Variants in DOCK3 observed in about 807,000 individuals in gnomAD.
The protein encoded by DOCK3 is dedicator of cytokinesis protein 3.
Under a neutral mutation model 265.6 loss-of-function variants are expected in DOCK3, and 60 were observed. The ratio of observed to expected loss-of-function variants is 0.23; its 90% CI spans 0.18 to 0.28. The LOEUF (loss-of-function observed/expected upper bound fraction) is 0.28, where lower values mean the gene tolerates loss of function less well. Among genes scored for constraint, DOCK3 ranks in the 10% least tolerant of loss-of-function variants. The pLI is 1.00. For missense variants in DOCK3, 1,981 were observed against 2,594.3 expected, an observed-to-expected ratio of 0.76 and a Z score of 5.14; for synonymous variants, 881 against 938.0, an observed-to-expected ratio of 0.94 and a Z score of 1.11.
intron 5 of DOCK3, among the ~76,000 whole-genome samples, chr3:50,998,875 A>C (rs1483050316): frequency 1.3e-5 from 2 of 152,258 alleles, no homozygotes; most frequent in African/African-American, 4.8e-5. Flanking sequence ...AAAAGATTAC[A>C]GAAGTTATTT....
intron 5 of DOCK3, among the ~76,000 whole-genome samples, chr3:50,974,571 T>C (rs1291363081): frequency 2.0e-5 from 3 of 151,100 alleles, no homozygotes; most frequent in Non-Finnish European, 4.4e-5. Context: ...AGTCAGGTAG[T>C]GTGATGTCTC....
At chr3:51,200,198 G>A (rs189796112) in intron 12 of DOCK3, among the ~76,000 whole-genome samples, 15 of 152,116 alleles carry the variant, frequency 9.9e-5, no homozygotes, top group African/African-American at 3.6e-4. Flanking sequence ...TGACTTTGAC[G>A]AGTTGAGAGA....
Position 51,361,809 on chromosome 3 carries a change from G to A in DOCK3, c.5007-50G>A. ...ACACATTCCGCTCTACTGTCCCCCT[G>A]CCACCTGCCATGGGCCTGACTCCTC... On this transcript the variant is annotated intron_variant, in intron 47 of 52. Transcript: ENST00000266037. The surrounding 1 kb of genome is among the most constrained non-coding windows in gnomAD (Gnocchi z 4.2). The A allele has an allele frequency of 1.3e-6, 2 of 1,590,718 alleles. No individual in the cohort carries two copies. Among genetic ancestry groups the A allele is most frequent in the Admixed American group, 1.7e-5 (1 of 58,022 alleles).
chr3:51,151,723 T>C lies in DOCK3; in HGVS notation c.828+5093T>C, dbSNP rs568012617. 2.0e-5 allele frequency among the ~76,000 whole-genome samples: 3 copies of C among 152,348 alleles called. No individual in the cohort carries two copies. In the East Asian group the frequency reaches 5.8e-4, roughly 29 times the overall value. ...CAAAGTCTCTCAGCATTTGCTTGTCTGTAAAGGATTTTATTTCTCCTTCAC... is the reference window on the plus strand; with the variant it reads ...CAAAGTCTCTCAGCATTTGCTTGTCCGTAAAGGATTTTATTTCTCCTTCAC... On this transcript the variant is annotated intron_variant, in intron 10 of 52. Transcript: ENST00000266037.
chr3:51,233,522 C>T (rs1405734404), intron 19 of DOCK3, among the ~76,000 whole-genome samples: 6 of 152,092 alleles, frequency 3.9e-5, no homozygotes, highest in African/African-American at 9.7e-5. Flanking sequence ...TGTGCCACCA[C>T]GCCTGGCTAA....
At chr3:51,146,948 T>G (rs2085326722) in intron 10 of DOCK3, among the ~76,000 whole-genome samples, 1 of 152,114 alleles carries the variant, frequency 6.6e-6, no homozygotes, top group Non-Finnish European at 1.5e-5. Flanking sequence ...ACCCAATCTG[T>G]AGAAACAATT....
intron 27 of DOCK3, among the ~76,000 whole-genome samples, chr3:51,303,707 C>G (rs1286609395): frequency 6.6e-6 from 1 of 152,138 alleles, no homozygotes; most frequent in East Asian, 1.9e-4. Flanking sequence ...CACTCCAGAC[C>G]CTATTCACCT....
intron 38 of DOCK3, 47 bp downstream of exon 38, chr3:51,341,432 A>G (rs376749098): frequency 2.3e-4 from 365 of 1,604,682 alleles, no homozygotes; most frequent in Admixed American, 7.7e-4. Context: ...TTCTGCTGTG[A>G]TGCATGGCAT....
At chr3:51,237,809 A>G (rs935825341) in intron 21 of DOCK3, among the ~76,000 whole-genome samples, 6 of 152,208 alleles carry the variant, frequency 3.9e-5, no homozygotes, top group Non-Finnish European at 4.4e-5. Context: ...TCATTGTACA[A>G]CCATCACCAG....
At chr3:50,918,842 A>G (rs903717163) in intron 4 of DOCK3, among the ~76,000 whole-genome samples, 6 of 152,340 alleles carry the variant, frequency 3.9e-5, no homozygotes, top group Middle Eastern at 3.4e-3. Context: ...GCCCATGCCT[A>G]CGACCTGAAT....
chr3:50,680,281 G>A (rs1166558111), intron 1 of DOCK3, among the ~76,000 whole-genome samples: 2 of 148,630 alleles, frequency 1.3e-5, no homozygotes, highest in African/African-American at 2.5e-5. Flanking sequence ...GGGTGATCTC[G>A]GCTCACTGCA....
chr3:51,119,445 C>T (rs777127392), intron 9 of DOCK3, among the ~76,000 whole-genome samples: 27 of 151,992 alleles, frequency 1.8e-4, no homozygotes, highest in Admixed American at 5.2e-4. Context: ...TGTGTGTCTT[C>T]GGGTTGTTCT....
chr3:51,060,298 C>T (rs1321562681), intron 5 of DOCK3, among the ~76,000 whole-genome samples: 1 of 152,100 alleles, frequency 6.6e-6, no homozygotes, highest in Non-Finnish European at 1.5e-5. Context: ...TTGACAAAGT[C>T]CTCCTTAAAA....
chr3:51,265,481 A>C (rs1445332194), intron 23 of DOCK3, among the ~76,000 whole-genome samples: 2 of 152,220 alleles, frequency 1.3e-5, no homozygotes, highest in Admixed American at 1.3e-4. Context: ...ATCCAGCAGC[A>C]CATCAAAAAG....
At position 51,157,860 on chromosome 3, in the gene DOCK3, C is replaced by T. The variant is rs559807333; in HGVS notation, c.829-1384C>T. Among the ~76,000 whole-genome samples the T allele has an allele frequency of 1.4e-4, 20 of 142,900 alleles. No homozygotes were observed. In the South Asian group the frequency reaches 4.2e-3, roughly 30 times the overall value. 93.7% of individuals were successfully genotyped at this position (142,900 alleles called of 152,430 possible). On this transcript the variant is annotated intron_variant, in intron 10 of 52. Transcript: ENST00000266037. ...TTTTGCCCAGGCCGGACTGCAGTAG[C>T]GCTGTCTCTTTCTCGGCTCACTGCA...
intron 1 of DOCK3, among the ~76,000 whole-genome samples, chr3:50,699,229 G>T (rs1279967458): frequency 1.3e-5 from 2 of 152,086 alleles, no homozygotes; most frequent in Non-Finnish European, 2.9e-5. Flanking sequence ...GACCATATAT[G>T]TGGGGATTTA....
intron 3 of DOCK3, among the ~76,000 whole-genome samples, chr3:50,870,706 C>G (rs1012879754): frequency 2.0e-5 from 3 of 151,574 alleles, no homozygotes; most frequent in Admixed American, 6.6e-5. Flanking sequence ...TCCATTCTAT[C>G]TTCTTTTTTG....
chr3:51,101,842 A>G (rs1195852886), intron 9 of DOCK3, among the ~76,000 whole-genome samples: 1 of 152,226 alleles, frequency 6.6e-6, no homozygotes, highest in Admixed American at 6.5e-5. Context: ...GCTCACAGAA[A>G]GCATGATTTA....
intron 5 of DOCK3, among the ~76,000 whole-genome samples, chr3:51,007,467 G>A (rs933573468): frequency 2.0e-5 from 3 of 151,926 alleles, no homozygotes; most frequent in South Asian, 4.2e-4. Flanking sequence ...TTTTTGATGC[G>A]GTTGATTTTT....
Sources: allele counts gnomAD v4.1 joint callset (sites outside exome capture counted in the v4.1 genomes callset), GRCh38; gene constraint gnomAD v4.1.1; non-coding constraint Gnocchi (gnomAD v3.1); transcripts MANE v1.5; gene names NCBI Gene and HGNC (gene_info 2026-07-23, HGNC 2026-07-21).